Variants in ERMP1 observed in about 807,000 individuals in gnomAD.
The protein encoded by ERMP1 is endoplasmic reticulum metallopeptidase 1.
Under a neutral mutation model 92.0 loss-of-function variants are expected in ERMP1, and 86 were observed. The ratio of observed to expected loss-of-function variants is 0.93; its 90% CI spans 0.79 to 1.12. The LOEUF is 1.12. Among genes scored for constraint, ERMP1 ranks in the 50% most tolerant of loss-of-function variants. The pLI is 0.00. For missense variants in ERMP1, 1,342 were observed against 1,116.3 expected (o/e 1.20, Z -2.88); for synonymous variants, 530 against 412.8 (o/e 1.28, Z -3.44).
chr9:5,810,028 T>C lies in ERMP1; in HGVS notation c.1531A>G (p.Lys511Glu), dbSNP rs1163406845. The C allele has an allele frequency of 8.1e-6, 13 of 1,607,930 alleles. No homozygotes were observed. The highest frequency in any genetic ancestry group is 1.1e-5 in the Non-Finnish European group (13 of 1,174,728). ...AKIILIHTLA[K>E]RFYYMNASAQ... ...ACACTTACCATGTAATAAAATCTTT[T>C]CGCAAGAGTATGTATAAGTATTATT... Residue 511 changes from lysine to glutamate, a missense_variant, in exon 8 of 15, where the codon AAA (lysine) becomes GAA (glutamate). By Grantham distance (56) the Lys-to-Glu change is moderately conservative. Coordinates refer to ENST00000339450, the MANE Select transcript of ERMP1 (RefSeq NM_024896.3).
intron 2 of ERMP1, among the ~76,000 whole-genome samples, chr9:5,828,947 A>T (rs562726606): frequency 3.3e-5 from 5 of 150,218 alleles, no homozygotes; most frequent in South Asian, 4.2e-4. Flanking sequence ...AAATGGACAT[A>T]AAAAAACCAC....
At chr9:5,804,916 T>C in intron 10 of ERMP1, 111 bp downstream of exon 10, 1 of 798,834 alleles carries the variant, frequency 1.3e-6, no homozygotes, top group African/African-American at 1.8e-5. Flanking sequence ...TTTCTTCTGC[T>C]TCAGATTTTC....
At chr9:5,834,493 T>C (rs1413966716), upstream of ERMP1, among the ~76,000 whole-genome samples, 5 of 152,220 alleles carry the variant, frequency 3.3e-5, no homozygotes, top group Non-Finnish European at 7.3e-5. Flanking sequence ...ACATAGTATG[T>C]AGTCAATAGA....
intron 13 of ERMP1, among the ~76,000 whole-genome samples, chr9:5,789,088 C>T (rs1438744074): frequency 6.6e-6 from 1 of 151,974 alleles, no homozygotes; most frequent in East Asian, 1.9e-4. Context: ...AACAACGAAA[C>T]AGAACTAATA....
At chr9:5,835,960 G>A (rs1408424567), upstream of ERMP1, among the ~76,000 whole-genome samples, 1 of 152,208 alleles carries the variant, frequency 6.6e-6, no homozygotes, top group African/African-American at 2.4e-5. Context: ...TAAGGATGAG[G>A]AACAGATAAA....
At position 5,830,906 on chromosome 9, in the gene ERMP1, A is replaced by C. The variant is rs1178591469; in HGVS notation, c.461T>G (p.Leu154Arg). The C allele has an allele frequency of 7.4e-6, 12 of 1,614,050 alleles. No individual in the cohort carries two copies. Among genetic ancestry groups the C allele is most frequent in the Non-Finnish European group, 1.0e-5 (12 of 1,180,010 alleles). ...IKLIEVQSNS[L>R]HKISVDVQRP... ...TTGTACATCTACTGAAATCTTATGA[A>C]GGCTGTTGCTTTGCACTTCAATCAG... The change falls in exon 2 of 15, where the codon CTT becomes CGT. Residue 154 changes from leucine to arginine, a missense_variant. Leu to Arg is a moderately radical substitution (Grantham distance 102). Coordinates refer to ENST00000339450, the MANE Select transcript of ERMP1 (RefSeq NM_024896.3).
intron 10 of ERMP1, among the ~76,000 whole-genome samples, chr9:5,803,904 C>G (rs1828769673): frequency 6.6e-6 from 1 of 152,054 alleles, no homozygotes; most frequent in Non-Finnish European, 1.5e-5. Context: ...TACAACCAAC[C>G]TCAAACAATA....
intron 13 of ERMP1, among the ~76,000 whole-genome samples, chr9:5,790,099 G>A (rs957857006): frequency 6.6e-6 from 1 of 151,982 alleles, no homozygotes; most frequent in Admixed American, 6.6e-5. Context: ...TGGAAAATGG[G>A]AGAGAGAAAG....
intron 9 of ERMP1, 39 bp from the exon 10 acceptor site, chr9:5,805,256 C>T (rs1828826736): frequency 6.7e-7 from 1 of 1,485,230 alleles, no homozygotes; most frequent in South Asian, 1.2e-5. Context: ...TCTATGAAAT[C>T]CTCCAGTGAG....
At chr9:5,812,043 G>C in intron 6 of ERMP1, 82 bp downstream of exon 6, 2 of 872,240 alleles carry the variant, frequency 2.3e-6, no homozygotes, top group East Asian at 4.9e-5. Context: ...TAATGCACAG[G>C]CCACAGAATA....
intron 6 of ERMP1, among the ~76,000 whole-genome samples, chr9:5,845,224 G>T (rs1440494826): frequency 6.6e-6 from 1 of 150,742 alleles, no homozygotes; most frequent in Non-Finnish European, 1.5e-5. Context: ...TAATGCCCCT[G>T]ACCTGTGACT....
At chr9:5,821,612 T>A (rs1427697611) in intron 4 of ERMP1, among the ~76,000 whole-genome samples, 1 of 152,178 alleles carries the variant, frequency 6.6e-6, no homozygotes, top group East Asian at 1.9e-4. Context: ...ATGTAAAATA[T>A]GTTAACATAC....
chr9:5,805,759 T>C lies in ERMP1; in HGVS notation c.1575A>G (p.Glu525=). 6.2e-7 allele frequency: 1 copy of C among 1,610,140 alleles called. No homozygotes were observed. Among genetic ancestry groups the C allele is most frequent in the Non-Finnish European group, 8.5e-7 (1 of 1,178,646 alleles). ...YMNASAQYLG[E]VFFDISLFVH... is the part of the protein sequence containing the mutation. ...CAAACAGCGAAATGTCAAAAAATAC[T>C]TCTCCCAGATACTGGGCACTGGCAT... The change falls in exon 9 of 15, where the codon GAA becomes GAG. Residue 525 remains glutamate, a synonymous_variant. Transcript: ENST00000339450.
At chr9:5,792,533 C>T (rs548183448) in intron 13 of ERMP1, among the ~76,000 whole-genome samples, 7 of 152,174 alleles carry the variant, frequency 4.6e-5, no homozygotes, top group Non-Finnish European at 1.0e-4. Context: ...CCAGTCTCAA[C>T]TTCTTTGAGA....
intron 1 of ERMP1, 133 bp from the exon 2 acceptor site, chr9:5,831,161 C>G: frequency 1.6e-6 from 1 of 641,810 alleles, no homozygotes. Flanking sequence ...GACCGCCTTT[C>G]ATTATTTCAG....
At chr9:5,810,988 T>C (rs1413362749) in intron 7 of ERMP1, 123 bp downstream of exon 7, 1 of 624,492 alleles carries the variant, frequency 1.6e-6, no homozygotes, top group East Asian at 2.8e-5. Context: ...TTTCTTACAA[T>C]ATAAAGCAAA....
rs1827876543 is a variant in ERMP1, at chr9:5,784,955, C to CTCTT, written c.*2185_*2188dup. 2 of 152,110 alleles carry CTCTT rather than the reference C, an allele frequency of 1.3e-5. No homozygotes were observed. The highest frequency in any genetic ancestry group is 2.9e-5 in the Non-Finnish European group (2 of 68,012). 9.4% of individuals were successfully genotyped at this position (152,110 alleles called of 1,614,324 possible). Reference sequence around the variant, plus strand: ...CTTTTAGAAATTATTTAAATGATCACTCTTTAAAAATTTTTTTTAATCTCA... The same window carrying CTCTT: ...CTTTTAGAAATTATTTAAATGATCACTCTTTCTTTAAAAATTTTTTTTAATCTCA... On this transcript the variant is annotated 3_prime_UTR_variant, in exon 15 of 15. Transcript: ENST00000339450.
At chr9:5,826,088 G>C (rs1451489266) in intron 2 of ERMP1, among the ~76,000 whole-genome samples, 1 of 152,138 alleles carries the variant, frequency 6.6e-6, no homozygotes, top group African/African-American at 2.4e-5. Flanking sequence ...ATATAGCTAA[G>C]ATCTGCTTCA....
intron 10 of ERMP1, among the ~76,000 whole-genome samples, chr9:5,804,573 G>A (rs1452178351): frequency 6.6e-6 from 1 of 152,142 alleles, no homozygotes; most frequent in African/African-American, 2.4e-5. Context: ...GTAGTGGAAT[G>A]ATAATGAAAA....
Sources: gnomAD v4.1 joint callset for allele counts (sites outside exome capture counted in the v4.1 genomes callset) on GRCh38, gnomAD v4.1.1 for gene constraint, MANE v1.5 for transcripts, NCBI Gene and HGNC (gene_info 2026-07-23, HGNC 2026-07-21) for gene names.